Variants in ZFHX3 observed in about 807,000 individuals in gnomAD.
ZFHX3 encodes the protein zinc finger homeobox protein 3.
Under a neutral mutation model 279.1 loss-of-function variants are expected in ZFHX3, and 42 were observed. The observed-to-expected ratio is 0.15, with a 90% CI of 0.12 to 0.19. ZFHX3 has a LOEUF of 0.19. Ranked by LOEUF, ZFHX3 falls within the 10% of genes least tolerant of loss-of-function variation. The probability of loss-of-function intolerance (pLI) is 1.00; values close to 1 mark genes in which losing one functional copy is unlikely to be tolerated. For missense variants in ZFHX3, 4,981 were observed against 4,754.0 expected (o/e 1.05, Z -1.40); for synonymous variants, 2,293 against 1,957.8 (o/e 1.17, Z -4.52).
chr16:72,854,261 G>T (rs2037693868), intron 4 of ZFHX3, among the ~76,000 whole-genome samples: 1 of 152,060 alleles, frequency 6.6e-6, no homozygotes, highest in African/African-American at 2.4e-5. Context: ...CCTTTTCTTT[G>T]CCTCCCATGT....
chr16:73,792,644 A>G (rs968143794), intron 1 of ZFHX3, among the ~76,000 whole-genome samples: 2 of 152,318 alleles, frequency 1.3e-5, no homozygotes, highest in East Asian at 3.9e-4. Context: ...GAAATTGTGG[A>G]CCTAAGGGCT....
At chr16:73,183,527 G>T (rs1217762578) in intron 5 of ZFHX3, among the ~76,000 whole-genome samples, 1 of 152,174 alleles carries the variant, frequency 6.6e-6, no homozygotes, top group Non-Finnish European at 1.5e-5. Context: ...AATGTTCCCT[G>T]TCTGAGTGAC....
intron 2 of ZFHX3, among the ~76,000 whole-genome samples, chr16:73,633,908 A>AG (rs200545129): frequency 1.3e-5 from 2 of 152,040 alleles, no homozygotes; most frequent in African/African-American, 4.8e-5. Flanking sequence ...AAAAAAAAAA[A>AG]GGCTTATTTA....
chr16:73,689,205 G>C (rs1276557909), intron 1 of ZFHX3, among the ~76,000 whole-genome samples: 1 of 152,134 alleles, frequency 6.6e-6, no homozygotes, highest in African/African-American at 2.4e-5. Flanking sequence ...ATCAAAATAA[G>C]ATCTAGTTAC....
At chr16:73,837,648 T>C (rs1487293023) in intron 1 of ZFHX3, among the ~76,000 whole-genome samples, 1 of 152,144 alleles carries the variant, frequency 6.6e-6, no homozygotes, top group Non-Finnish European at 1.5e-5. Context: ...TTCTTTTCTT[T>C]TCTTTTTCAG....
intron 5 of ZFHX3, among the ~76,000 whole-genome samples, chr16:72,820,750 G>A (rs1007453915): frequency 5.3e-5 from 8 of 152,302 alleles, no homozygotes; most frequent in Admixed American, 2.0e-4. Flanking sequence ...CACTTATTAC[G>A]CTTCCCTGTG....
chr16:73,099,522 C>T lies in ZFHX3; in HGVS notation c.-896-5924G>A, dbSNP rs145950306. ...GGTCAGGAGTTTGAGACCAGCCTGG[C>T]CAACATGGTGAAACCCTGTCTTTAC... is the stretch of plus-strand genomic sequence containing the variant. On this transcript the variant is annotated intron_variant, in intron 7 of 17. Transcript: ENST00000641206. 2.8e-3 allele frequency among the ~76,000 whole-genome samples: 422 copies of T among 151,994 alleles called. 1 individual carries two copies. The highest frequency in any genetic ancestry group is 4.4e-3 in the Non-Finnish European group (302 of 67,970).
intron 1 of ZFHX3, among the ~76,000 whole-genome samples, chr16:73,768,474 A>T (rs963485882): frequency 1.3e-5 from 2 of 152,190 alleles, no homozygotes; most frequent in Non-Finnish European, 2.9e-5. Context: ...TTACTCTTAA[A>T]ATCTAAGCTA....
In ZFHX3 at chr16:73,381,470, A is replaced by G. The variant is rs190557982; in HGVS notation, c.-1290-63134T>C. Among the ~76,000 whole-genome samples, 189 of 152,314 alleles carry G rather than the reference A, an allele frequency of 1.2e-3. 1 individual carries two copies. The highest frequency in any genetic ancestry group is 4.1e-3 in the African/African-American group (172 of 41,572). On this transcript the variant is annotated intron_variant, in intron 3 of 17. Transcript: ENST00000641206. The stretch of plus-strand genomic sequence containing the variant: ...GAGAGAGAGACAAAGAGATGAGTGG[A>G]AAAGAATGGAAAAATCCTGGGAAAG...
At chr16:73,047,177 TA>T (rs1429520667) in intron 1 of ZFHX3, among the ~76,000 whole-genome samples, 1 of 152,196 alleles carries the variant, frequency 6.6e-6, no homozygotes, top group Non-Finnish European at 1.5e-5. Flanking sequence ...TTCCTCCTCC[TA>T]ACAGGATAAA....
chr16:73,316,512 A>C (rs1280727357), intron 4 of ZFHX3, among the ~76,000 whole-genome samples: 1 of 152,170 alleles, frequency 6.6e-6, no homozygotes, highest in African/African-American at 2.4e-5. Flanking sequence ...CATCTCTACC[A>C]TTCAACCTAA....
chr16:73,022,788 A>G (rs529211940), intron 1 of ZFHX3, among the ~76,000 whole-genome samples: 1 of 152,294 alleles, frequency 6.6e-6, no homozygotes, highest in South Asian at 2.1e-4. Context: ...CAACCTAAAA[A>G]GTAGATGTTC....
At chr16:72,881,998 G>A (rs1388495349) in intron 4 of ZFHX3, among the ~76,000 whole-genome samples, 1 of 152,072 alleles carries the variant, frequency 6.6e-6, no homozygotes, top group African/African-American at 2.4e-5. Context: ...GATGTCCTGT[G>A]GCTCCCTTGG....
chr16:73,574,048 A>G (rs1194282178), intron 2 of ZFHX3, among the ~76,000 whole-genome samples: 1 of 152,092 alleles, frequency 6.6e-6, no homozygotes, highest in Non-Finnish European at 1.5e-5. Context: ...TTTGTCCTTA[A>G]AACAGGAAGA....
At chr16:73,068,979 G>A (rs1204720651) in intron 8 of ZFHX3, among the ~76,000 whole-genome samples, 1 of 152,226 alleles carries the variant, frequency 6.6e-6, no homozygotes, top group Non-Finnish European at 1.5e-5. Flanking sequence ...CCACCCCTTT[G>A]GGCGCAACTG....
chr16:73,438,415 G>C (rs960066084), intron 3 of ZFHX3, among the ~76,000 whole-genome samples: 3 of 152,160 alleles, frequency 2.0e-5, no homozygotes, highest in African/African-American at 7.2e-5. Context: ...GCAATCTTGG[G>C]CATTTGAACC....
chr16:73,641,157 C>T (rs751801374), intron 2 of ZFHX3, among the ~76,000 whole-genome samples: 5 of 152,140 alleles, frequency 3.3e-5, no homozygotes, highest in Non-Finnish European at 7.3e-5. Context: ...AAGACATTTA[C>T]CTCCCAACAC....
intron 1 of ZFHX3, among the ~76,000 whole-genome samples, chr16:73,876,502 C>T (rs1039391688): frequency 2.0e-5 from 3 of 152,140 alleles, no homozygotes; most frequent in Admixed American, 6.5e-5. Flanking sequence ...ATGTGTGTAT[C>T]CTATCAGTAA....
chr16:73,864,165 G>A (rs932676410), intron 1 of ZFHX3, among the ~76,000 whole-genome samples: 4 of 152,150 alleles, frequency 2.6e-5, no homozygotes, highest in Admixed American at 6.6e-5. Context: ...CTGACTTCAT[G>A]AATTTACACA....
Sources: allele counts gnomAD v4.1 joint callset (sites outside exome capture counted in the v4.1 genomes callset), GRCh38; gene constraint gnomAD v4.1.1; transcripts MANE v1.5; gene names NCBI Gene and HGNC (gene_info 2026-07-23, HGNC 2026-07-21).